The following GFER variants were observed in gnomAD, a reference collection of about 807,000 sequenced individuals.
GFER encodes the protein growth factor, augmenter of liver regeneration.
A neutral mutation model predicts 18.2 loss-of-function variants in GFER; 24 were observed. That is an observed-to-expected ratio of 1.32 (90% CI 0.96 to 1.86). The LOEUF is 1.86. GFER is among the 40% of genes most tolerant of loss of function. GFER has a pLI of 0.00. For missense variants in GFER, 316 were observed against 295.6 expected (o/e 1.07, Z -0.51); for synonymous variants, 138 against 126.9 (o/e 1.09, Z -0.59).
Position 1,986,433 on chromosome 16 carries a change from C to T in GFER, c.*405C>T. On this transcript the variant is annotated 3_prime_UTR_variant, in exon 3 of 3. Coordinates refer to ENST00000248114, the MANE Select transcript of GFER (RefSeq NM_005262.3). Reference sequence around the variant, plus strand: ...GCCAGGCCATTGCCTTCCCACTATGCAGCCAGGGATGCCCCTGCCCCCCAT... The same window carrying T: ...GCCAGGCCATTGCCTTCCCACTATGTAGCCAGGGATGCCCCTGCCCCCCAT... 1 of 350,742 alleles carries T rather than the reference C, an allele frequency of 2.9e-6. No homozygotes were observed. Among genetic ancestry groups the T allele is most frequent in the Non-Finnish European group, 5.6e-6 (1 of 178,404 alleles). The allele number at this position is 350,742 out of a possible 1,614,324, so 21.7% of individuals were successfully genotyped here.
chr16:1,984,616 C>A, intron 1 of GFER, 131 bp from the exon 2 acceptor site: 1 of 1,362,830 alleles, frequency 7.3e-7, no homozygotes, highest in Non-Finnish European at 1.0e-6. Flanking sequence ...AGCCTTCATC[C>A]GCGCGTGGGT....
Position 1,985,384 on chromosome 16 carries a change from A to T in GFER, c.455+441A>T, listed in dbSNP as rs548698978. ...TTGCAGGTGTTTCTAGGCCAGATGT[A>T]TAGGGTAGAGCCGCCATTGTTGCTA... On this transcript the variant is annotated intron_variant, in intron 2 of 2. Transcript: ENST00000248114. 5.3e-5 allele frequency among the ~76,000 whole-genome samples: 8 copies of T among 152,356 alleles called. No homozygotes were observed. In the South Asian group the frequency reaches 1.7e-3, roughly 32 times the overall value.
rs61729107 is a variant in GFER at position 1,986,116 on chromosome 16, C to T, written c.*88C>T. 6,248 of 1,364,210 alleles carry T rather than the reference C, an allele frequency of 4.6e-3. 24 individuals carry two copies. The highest frequency in any genetic ancestry group is 5.5e-3 in the Non-Finnish European group (5,278 of 967,156). 84.5% of individuals were successfully genotyped at this position (1,364,210 alleles called of 1,614,324 possible). A position where few individuals can be genotyped will look rare whatever the true frequency, so the allele number is the denominator to read the frequency against. ...TCATTAAAGTGCATCACAGCCAGAG[C>T]CTGTTGTGTCTCAGTTGGGTGGTCC... On this transcript the variant is annotated 3_prime_UTR_variant, in exon 3 of 3. Transcript: ENST00000248114.
Position 1,985,915 on chromosome 16 carries a change from T to C in GFER, c.505T>C (p.Trp169Arg). ...DTRTRACFTQ[W>R]LCHLHNEVNR... ...CCGCACCCGGGCATGCTTCACACAGTGGCTGTGCCACCTGCACAATGAAGT... is the reference window on the plus strand; with the variant it reads ...CCGCACCCGGGCATGCTTCACACAGCGGCTGTGCCACCTGCACAATGAAGT... Residue 169 changes from tryptophan (W) to arginine (R), a missense_variant, in exon 3 of 3, where the codon TGG becomes CGG. Trp to Arg is a moderately radical substitution (Grantham distance 101). Coordinates refer to ENST00000248114, the MANE Select transcript of GFER (RefSeq NM_005262.3). The C allele has an allele frequency of 1.2e-6, 2 of 1,613,032 alleles. No homozygotes were observed. Among genetic ancestry groups the C allele is most frequent in the South Asian group, 1.1e-5 (1 of 91,078 alleles).
At chr16:1,985,557 A>C (rs1202254376) in intron 2 of GFER, among the ~76,000 whole-genome samples, 1 of 152,236 alleles carries the variant, frequency 6.6e-6, no homozygotes, top group Non-Finnish European at 1.5e-5. Flanking sequence ...GGGACACTGG[A>C]TGCCGCTTCC....
Position 1,984,205 on chromosome 16 carries a change from C to A in GFER, c.-14C>A. The A allele has an allele frequency of 6.8e-7, 1 of 1,470,756 alleles. No homozygotes were observed. Among genetic ancestry groups the A allele is most frequent in the Non-Finnish European group, 9.0e-7 (1 of 1,117,240 alleles). 91.1% of individuals were successfully genotyped at this position (1,470,756 alleles called of 1,614,324 possible). ...TGGAGGCCGAGCTGACCCGGCAGGC[C>A]TTGCGCGGGCAACATGGCGGCGCCC... is the stretch of plus-strand genomic sequence containing the variant. On this transcript the variant is annotated 5_prime_UTR_variant, in exon 1 of 3. Transcript: ENST00000248114.
At position 1,985,891 on chromosome 16, in the gene GFER, C is replaced by T. The variant is rs760957301; in HGVS notation, c.481C>T (p.Arg161Cys). 9.9e-6 allele frequency: 16 copies of T among 1,612,698 alleles called. No homozygotes were observed. The highest frequency in any genetic ancestry group is 2.2e-5 in the East Asian group (1 of 44,886). The change falls in exon 3 of 3, where the codon CGC becomes TGC. Residue 161 changes from arginine to cysteine, a missense_variant. Transcript: ENST00000248114. The part of the protein sequence containing the change: ...KRLCRNHPDT[R>C]TRACFTQWLC... ...GCTGTGCAGGAACCACCCAGACACC[C>T]GCACCCGGGCATGCTTCACACAGTG...
chr16:1,984,560 G>A, intron 1 of GFER, 84 bp downstream of exon 1: 7 of 1,475,610 alleles, frequency 4.7e-6, no homozygotes, highest in Non-Finnish European at 6.4e-6. Flanking sequence ...AGCTTCCCAG[G>A]GTTGCCTGTC....
chr16:1,985,953 GGGCAA>G lies in GFER; in HGVS notation c.545_549del (p.Gly182AlafsTer2). 6.2e-7 allele frequency: 1 copy of G among 1,613,124 alleles called. No homozygotes were observed. Among genetic ancestry groups the G allele is most frequent in the Non-Finnish European group, 8.5e-7 (1 of 1,180,008 alleles). The stretch of plus-strand genomic sequence containing the variant: ...TGCACAATGAAGTGAACCGCAAGCT[GGGCAA>G]GCCTGACTTCGACTGCTCAAAAGTG... On this transcript the variant is annotated frameshift_variant, in exon 3 of 3. Coordinates refer to ENST00000248114, the MANE Select transcript of GFER (RefSeq NM_005262.3). LOFTEE classifies it high-confidence loss of function.
At position 1,984,371 on chromosome 16, in the gene GFER, A is replaced by T. The variant is rs759460274; in HGVS notation, c.153A>T (p.Pro51=). Residue 51 remains proline (P), a synonymous_variant, in exon 1 of 3, where the codon CCA becomes CCT. Coordinates refer to ENST00000248114, the MANE Select transcript of GFER (RefSeq NM_005262.3). ...ACGCGGCCGCCTCGGCCTCGACGCC[A>T]GCCCAGGCGCCGACCTCCGATTCTC... ...RRDAAASAST[P]AQAPTSDSPV... 2.6e-6 allele frequency: 4 copies of T among 1,528,460 alleles called. No homozygotes were observed. The South Asian group carries it at 3.6e-5, about 14-fold the overall frequency. The allele number at this position is 1,528,460 out of a possible 1,614,324, so 94.7% of individuals were successfully genotyped here. A position where few individuals can be genotyped will look rare whatever the true frequency, so the allele number is the denominator to read the frequency against.
Position 1,986,119 on chromosome 16 carries a change from G to C in GFER, c.*91G>C. On this transcript the variant is annotated 3_prime_UTR_variant, in exon 3 of 3. Coordinates refer to ENST00000248114, the MANE Select transcript of GFER (RefSeq NM_005262.3). Reference sequence around the variant, plus strand: ...TTAAAGTGCATCACAGCCAGAGCCTGTTGTGTCTCAGTTGGGTGGTCCCCA... The same window carrying C: ...TTAAAGTGCATCACAGCCAGAGCCTCTTGTGTCTCAGTTGGGTGGTCCCCA... The C allele has an allele frequency of 7.3e-7, 1 of 1,362,014 alleles. No individual in the cohort carries two copies. Among genetic ancestry groups the C allele is most frequent in the Non-Finnish European group, 1.0e-6 (1 of 965,760 alleles). The allele number at this position is 1,362,014 out of a possible 1,614,324, so 84.4% of individuals were successfully genotyped here.
rs1218976586 is a variant in GFER at position 1,985,989 on chromosome 16, G to A, written c.579G>A (p.Glu193=). Residue 193 remains glutamate, a synonymous_variant, in exon 3 of 3, where the codon GAG becomes GAA. Transcript: ENST00000248114. ...KPDFDCSKVD[E]RWRDGWKDGS... is the part of the protein sequence containing the mutation. ...ACTTCGACTGCTCAAAAGTGGATGAGCGCTGGCGCGACGGCTGGAAGGATG... is the reference window on the plus strand; with the variant it reads ...ACTTCGACTGCTCAAAAGTGGATGAACGCTGGCGCGACGGCTGGAAGGATG... 9 of 1,612,996 alleles carry A rather than the reference G, an allele frequency of 5.6e-6. No individual in the cohort carries two copies. The highest frequency in any genetic ancestry group is 7.6e-6 in the Non-Finnish European group (9 of 1,180,032).
intron 2 of GFER, 199 bp downstream of exon 2, chr16:1,985,142 G>A: frequency 1.5e-6 from 1 of 645,178 alleles, no homozygotes; most frequent in Non-Finnish European, 2.8e-6. Flanking sequence ...GTCGGGATCT[G>A]CTGCTGGGTA....
Position 1,984,207 on chromosome 16 carries a change from T to TGCGCGGGCAACATGGCG in GFER, c.-7_10dup. On this transcript the variant is annotated 5_prime_UTR_variant, in exon 1 of 3. The change creates a new upstream start codon in the 5' untranslated region. Transcript: ENST00000248114. Reference sequence around the variant, plus strand: ...GAGGCCGAGCTGACCCGGCAGGCCTTGCGCGGGCAACATGGCGGCGCCCGG... The same window carrying TGCGCGGGCAACATGGCG: ...GAGGCCGAGCTGACCCGGCAGGCCTTGCGCGGGCAACATGGCGGCGCGGGCAACATGGCGGCGCCCGG... The TGCGCGGGCAACATGGCG allele has an allele frequency of 1.4e-6, 2 of 1,470,450 alleles. No individual in the cohort carries two copies. Among genetic ancestry groups the TGCGCGGGCAACATGGCG allele is most frequent in the Non-Finnish European group, 1.8e-6 (2 of 1,117,064 alleles). The allele number at this position is 1,470,450 out of a possible 1,614,324, so 91.1% of individuals were successfully genotyped here. A position where few individuals can be genotyped will look rare whatever the true frequency, so the allele number is the denominator to read the frequency against.
rs1235179082 is a variant in GFER at position 1,984,932 on chromosome 16, C to T, written c.444C>T (p.Asp148=). ...KFYPCEECAE[D]LRKRLCRNHP... is the part of the protein sequence containing the mutation. ...ACCCCTGTGAGGAGTGTGCTGAAGA[C>T]CTAAGAAAAAGGTAAGATGTGTTTG... The change falls in exon 2 of 3, where the codon GAC becomes GAT. Residue 148 remains aspartate (D), a synonymous_variant. Coordinates refer to ENST00000248114, the MANE Select transcript of GFER (RefSeq NM_005262.3). 6 of 1,612,112 alleles carry T rather than the reference C, an allele frequency of 3.7e-6. No individual in the cohort carries two copies. Among genetic ancestry groups the T allele is most frequent in the Non-Finnish European group, 5.1e-6 (6 of 1,178,640 alleles).
Position 1,986,373 on chromosome 16 carries a change from G to A in GFER, c.*345G>A. 2.7e-6 allele frequency: 1 copy of A among 373,334 alleles called. No individual in the cohort carries two copies. Among genetic ancestry groups the A allele is most frequent in the Non-Finnish European group, 5.2e-6 (1 of 191,954 alleles). 23.1% of individuals were successfully genotyped at this position (373,334 alleles called of 1,614,324 possible). A position where few individuals can be genotyped will look rare whatever the true frequency, so the allele number is the denominator to read the frequency against. On this transcript the variant is annotated 3_prime_UTR_variant, in exon 3 of 3. Transcript: ENST00000248114. ...TCACTCCTCACACGGGAAGACAGCG[G>A]GCCTGGCTGGGCATCCCTGTGCCTG...
At position 1,986,473 on chromosome 16, in the gene GFER, C is replaced by T. The variant is rs908035078; in HGVS notation, c.*445C>T. On this transcript the variant is annotated 3_prime_UTR_variant, in exon 3 of 3. Coordinates refer to ENST00000248114, the MANE Select transcript of GFER (RefSeq NM_005262.3). ...CTGCCCCCCATGGCTCTGTGCTGCT[C>T]ACTTTAGGGGGCTCAATTCTCCACT... 9.4e-6 allele frequency: 3 copies of T among 320,838 alleles called. No individual in the cohort carries two copies. Among genetic ancestry groups the T allele is most frequent in the Non-Finnish European group, 1.2e-5 (2 of 162,666 alleles). 19.9% of individuals were successfully genotyped at this position (320,838 alleles called of 1,614,324 possible). A position where few individuals can be genotyped will look rare whatever the true frequency, so the allele number is the denominator to read the frequency against.
chr16:1,984,702 T>C (rs2083553705), intron 1 of GFER, 45 bp from the exon 2 acceptor site: 8 of 1,559,596 alleles, frequency 5.1e-6, no homozygotes, highest in Non-Finnish European at 7.0e-6. Context: ...TTTGGGCGCC[T>C]TTGTTCGGAG....
intron 1 of GFER, 33 bp from the exon 2 acceptor site, chr16:1,984,714 A>G: frequency 6.3e-7 from 1 of 1,579,998 alleles, no homozygotes; most frequent in Non-Finnish European, 8.6e-7. Context: ...TGTTCGGAGA[A>G]TGAACTCACT....
Sources: gnomAD v4.1 joint callset for allele counts (sites outside exome capture counted in the v4.1 genomes callset) on GRCh38, gnomAD v4.1.1 for gene constraint, MANE v1.5 for transcripts, NCBI Gene and HGNC (gene_info 2026-07-23, HGNC 2026-07-21) for gene names.